Variants in MBD5 observed in about 807,000 individuals in gnomAD.
MBD5 encodes methyl-CpG-binding domain protein 5.
Under a neutral mutation model 117.3 loss-of-function variants are expected in MBD5, and 13 were observed. The ratio of observed to expected loss-of-function variants is 0.11; its 90% CI spans 0.07 to 0.18. The LOEUF (loss-of-function observed/expected upper bound fraction) is 0.18, where lower values mean the gene tolerates loss of function less well. MBD5 is among the 10% of genes least tolerant of loss of function. The pLI is 1.00. For synonymous variants in MBD5, 727 were observed against 766.4 expected, an observed-to-expected ratio of 0.95 and a Z score of 0.85; for missense variants, 1,879 against 2,093.8, an observed-to-expected ratio of 0.90 and a Z score of 2.00.
At chr2:148,302,956 A>G (rs1701808607) in intron 3 of MBD5, among the ~76,000 whole-genome samples, 1 of 149,478 alleles carries the variant, frequency 6.7e-6, no homozygotes, top group Non-Finnish European at 1.5e-5. Flanking sequence ...TATCATATAT[A>G]CATTATATGT....
chr2:148,283,502 T>C (rs1701298335), intron 3 of MBD5, among the ~76,000 whole-genome samples: 1 of 152,206 alleles, frequency 6.6e-6, no homozygotes, highest in South Asian at 2.1e-4. Context: ...GAAGCAGAAA[T>C]AGGCAGCCTA....
intron 3 of MBD5, among the ~76,000 whole-genome samples, chr2:148,280,089 G>A (rs1574232894): frequency 8.5e-6 from 1 of 117,538 alleles, no homozygotes; most frequent in South Asian, 2.8e-4. Flanking sequence ...TCCTGGTTTG[G>A]AAGCTATAGA....
intron 3 of MBD5, among the ~76,000 whole-genome samples, chr2:148,250,766 T>A (rs531529253): frequency 6.6e-6 from 1 of 152,276 alleles, no homozygotes; most frequent in African/African-American, 2.4e-5. Context: ...ATGTTATTAT[T>A]CTTATTTCAC....
chr2:148,162,222 T>A (rs909069942), intron 1 of MBD5, among the ~76,000 whole-genome samples: 3 of 152,248 alleles, frequency 2.0e-5, no homozygotes, highest in Admixed American at 6.5e-5. Context: ...TCTACAGGAT[T>A]AAGCTTCAGT....
At chr2:148,219,506 A>G (rs984487942) in intron 2 of MBD5, among the ~76,000 whole-genome samples, 28 of 152,172 alleles carry the variant, frequency 1.8e-4, no homozygotes, top group African/African-American at 5.5e-4. Context: ...CATATATGCA[A>G]TTGATAGTTG....
At chr2:148,162,973 G>A (rs993292314) in intron 1 of MBD5, among the ~76,000 whole-genome samples, 5 of 152,120 alleles carry the variant, frequency 3.3e-5, no homozygotes, top group Non-Finnish European at 5.9e-5. Context: ...GATACTAAAA[G>A]TAAGTTGTAA....
chr2:148,421,927 C>A (rs928519849), intron 4 of MBD5, among the ~76,000 whole-genome samples: 1 of 152,202 alleles, frequency 6.6e-6, no homozygotes, highest in African/African-American at 2.4e-5. Context: ...AGGCAGTAGC[C>A]CCAGTCAGGA....
At chr2:148,169,154 AT>A (rs1331284969) in intron 1 of MBD5, among the ~76,000 whole-genome samples, 1 of 152,012 alleles carries the variant, frequency 6.6e-6, no homozygotes. Context: ...CCTTCTAAAA[AT>A]TTTGTTTTAG....
intron 1 of MBD5, among the ~76,000 whole-genome samples, chr2:148,081,908 T>C (rs1695657171): frequency 6.6e-6 from 1 of 152,204 alleles, no homozygotes; most frequent in Admixed American, 6.5e-5. Context: ...TGAGAGTGAT[T>C]GCATTTATTT....
At chr2:148,446,602 C>CTGTG (rs1185100489) in intron 4 of MBD5, among the ~76,000 whole-genome samples, 3,838 of 148,866 alleles carry the variant, frequency 0.026, 168 homozygotes, top group African/African-American at 0.087. Context: ...GATTATTTAT[C>CTGTG]TGTGTGTGTG....
intron 1 of MBD5, among the ~76,000 whole-genome samples, chr2:148,049,955 A>C (rs1186763075): frequency 6.6e-6 from 1 of 152,132 alleles, no homozygotes; most frequent in Non-Finnish European, 1.5e-5. Flanking sequence ...TCCATTCATC[A>C]GTATTTGGTG....
chr2:148,504,842 T>G (rs1681982656), intron 12 of MBD5, among the ~76,000 whole-genome samples: 1 of 152,022 alleles, frequency 6.6e-6, no homozygotes, highest in African/African-American at 2.4e-5. Flanking sequence ...TGGGAAGATA[T>G]AAGAGGTATA....
chr2:148,256,624 T>C (rs893386684), intron 3 of MBD5, among the ~76,000 whole-genome samples: 59 of 152,356 alleles, frequency 3.9e-4, no homozygotes, highest in Middle Eastern at 3.4e-3. Context: ...CATTGGCTAC[T>C]TTGTCCACAC....
At chr2:148,454,063 CA>C (rs1196846726) in intron 4 of MBD5, among the ~76,000 whole-genome samples, 1 of 151,796 alleles carries the variant, frequency 6.6e-6, no homozygotes, top group Non-Finnish European at 1.5e-5. Flanking sequence ...AATCTATGTC[CA>C]CCAAAGGAAA....
chr2:148,357,913 G>T (rs948797018), intron 4 of MBD5, among the ~76,000 whole-genome samples: 3 of 151,878 alleles, frequency 2.0e-5, no homozygotes, highest in African/African-American at 4.8e-5. Context: ...ATTTCTCCCT[G>T]CTGTCCTCTT....
intron 3 of MBD5, among the ~76,000 whole-genome samples, chr2:148,245,267 C>G (rs1040817702): frequency 6.8e-6 from 1 of 146,352 alleles, no homozygotes; most frequent in Non-Finnish European, 1.5e-5. Context: ...GCACTGTTGC[C>G]CAGGCTGGAG....
At position 148,069,544 on chromosome 2, in the gene MBD5, T is replaced by A. The variant is rs909911391; in HGVS notation, c.-925+47860T>A. Among the ~76,000 whole-genome samples the A allele has an allele frequency of 2.6e-5, 4 of 152,258 alleles. No homozygotes were observed. In the South Asian group the frequency reaches 8.3e-4, roughly 32 times the overall value. On this transcript the variant is annotated intron_variant, in intron 1 of 13. Coordinates refer to ENST00000642680, the MANE Select transcript of MBD5 (RefSeq NM_001378120.1). ...TAAATATCATCTTATAGTATGCTACTGTATTTAGAAGCTATGTCACAATGC... is the reference window on the plus strand; with the variant it reads ...TAAATATCATCTTATAGTATGCTACAGTATTTAGAAGCTATGTCACAATGC...
In MBD5 at chr2:148,463,721, A is replaced by G; in HGVS notation, c.217-18A>G. 4 of 1,613,236 alleles carry G rather than the reference A, an allele frequency of 2.5e-6. No individual in the cohort carries two copies. The highest frequency in any genetic ancestry group is 2.5e-6 in the Non-Finnish European group (3 of 1,179,286). On this transcript the variant is annotated intron_variant, in intron 6 of 13. Transcript: ENST00000642680. Reference sequence around the variant, plus strand: ...GTTTTTACAGACATATTCTAAACAAAGGCTGTGCTTTTTCCAGGTATTTAA... The same window carrying G: ...GTTTTTACAGACATATTCTAAACAAGGGCTGTGCTTTTTCCAGGTATTTAA...
chr2:148,488,789 T>A (rs1257504982), intron 10 of MBD5, among the ~76,000 whole-genome samples: 1 of 152,166 alleles, frequency 6.6e-6, no homozygotes, highest in Admixed American at 6.5e-5. Context: ...TGAGAATCAC[T>A]TCTGCAAACA....
Sources: allele counts gnomAD v4.1 joint callset (sites outside exome capture counted in the v4.1 genomes callset), GRCh38; gene constraint gnomAD v4.1.1; transcripts MANE v1.5; gene names NCBI Gene and HGNC (gene_info 2026-07-23, HGNC 2026-07-21).